SMYD2: variants seen among roughly 807,000 people sequenced by gnomAD.
SMYD2 encodes the protein SET and MYND domain containing 2, also known as N-lysine methyltransferase SMYD2.
In SMYD2, 53 loss-of-function variants were observed where a neutral mutation model predicts 59.1. The ratio of observed to expected loss-of-function variants is 0.90; its 90% CI spans 0.72 to 1.13. The LOEUF (loss-of-function observed/expected upper bound fraction) is 1.13. SMYD2 is among the 50% of genes most tolerant of loss of function. SMYD2 has a pLI of 0.00. For missense variants in SMYD2, 494 were observed against 544.7 expected (o/e 0.91, Z 0.93); for synonymous variants, 208 against 198.8 (o/e 1.05, Z -0.39).
rs1558054981 is a variant in SMYD2, at chr1:214,318,091, G to C, written c.361G>C (p.Glu121Gln). Residue 121 changes from glutamate to glutamine, a missense_variant, in exon 4 of 12, where the codon GAG becomes CAG. Physicochemically the swap from Glu to Gln is conservative, Grantham distance 29 (BLOSUM62 2). Coordinates refer to ENST00000366957, the MANE Select transcript of SMYD2 (RefSeq NM_020197.3). This position sits in a 1 kb window ranked among gnomAD's most constrained non-coding sequence, Gnocchi z 5.4. ...CCCCAATTGCTAGAAAATCCACCCA[G>C]AGAGAACACCTTCGGAAAAATTGTT... The part of the protein sequence containing the change: ...RILAKQKIHP[E>Q]RTPSEKLLAV... 5 of 1,613,974 alleles carry C rather than the reference G, an allele frequency of 3.1e-6. No homozygotes were observed. The highest frequency in any genetic ancestry group is 2.5e-6 in the Non-Finnish European group (3 of 1,179,992).
intron 1 of SMYD2, among the ~76,000 whole-genome samples, chr1:214,292,805 A>G (rs1479482450): frequency 6.6e-6 from 1 of 152,000 alleles, no homozygotes; most frequent in Admixed American, 6.6e-5. Flanking sequence ...TCCAAGTTCA[A>G]TTTGGGTGGT....
In SMYD2 at chr1:214,281,283, A is replaced by T. The variant is rs1656436707; in HGVS notation, c.29A>T (p.Glu10Val). 2.1e-5 allele frequency: 28 copies of T among 1,320,678 alleles called. No individual in the cohort carries two copies. The highest frequency in any genetic ancestry group is 2.6e-5 in the Non-Finnish European group (27 of 1,027,506). 81.8% of individuals were successfully genotyped at this position (1,320,678 alleles called of 1,614,324 possible). A position where few individuals can be genotyped will look rare whatever the true frequency, so the allele number is the denominator to read the frequency against. The change falls in exon 1 of 12, where the codon GAG becomes GTG. Residue 10 changes from glutamate to valine, a missense_variant. Coordinates refer to ENST00000366957, the MANE Select transcript of SMYD2 (RefSeq NM_020197.3). MRAEGLGGL[E>V]RFCSPGKGRG... Reference sequence around the variant, plus strand: ...AGGGCCGAGGGCCTCGGCGGCCTGGAGCGCTTCTGCAGCCCGGGCAAAGGC... The same window carrying T: ...AGGGCCGAGGGCCTCGGCGGCCTGGTGCGCTTCTGCAGCCCGGGCAAAGGC...
At chr1:214,305,696 C>T (rs182680342) in intron 2 of SMYD2, among the ~76,000 whole-genome samples, 1 of 145,392 alleles carries the variant, frequency 6.9e-6, no homozygotes, top group Admixed American at 6.9e-5. Flanking sequence ...TCCCCTAGTC[C>T]AGCCTCTGTA....
Position 214,332,112 on chromosome 1 carries a change from C to T in SMYD2, c.1032C>T (p.Tyr344=). Residue 344 remains tyrosine (Y), a synonymous_variant, in exon 10 of 12, where the codon TAC becomes TAT. Transcript: ENST00000366957. ...DSNVYMLHMM[Y]QAMGVCLYMQ... is the part of the protein sequence containing the mutation. ...ACGTGTACATGTTGCACATGATGTA[C>T]CAGGCCATGGGTGTCTGCTTGTACA... 6.2e-7 allele frequency: 1 copy of T among 1,614,146 alleles called. No individual in the cohort carries two copies. Among genetic ancestry groups the T allele is most frequent in the Non-Finnish European group, 8.5e-7 (1 of 1,180,030 alleles).
At chr1:214,305,551 A>G (rs893760274) in intron 2 of SMYD2, among the ~76,000 whole-genome samples, 4 of 152,362 alleles carry the variant, frequency 2.6e-5, no homozygotes, top group South Asian at 2.1e-4. Flanking sequence ...AGAGTTGACA[A>G]ATAAACAATA....
intron 9 of SMYD2, 64 bp from the exon 10 acceptor site, chr1:214,331,954 A>C (rs1657361741): frequency 2.0e-6 from 3 of 1,523,866 alleles, no homozygotes; most frequent in Non-Finnish European, 2.7e-6. Context: ...AACTCCTTGA[A>C]CCCAGCCTGG....
At chr1:214,286,421 C>T (rs78741216) in intron 1 of SMYD2, among the ~76,000 whole-genome samples, 3,943 of 152,032 alleles carry the variant, frequency 0.026, 379 homozygotes, top group East Asian at 0.26. Flanking sequence ...CTGCAGGAAG[C>T]CATATCACTT....
chr1:214,312,041 TC>T lies in SMYD2; in HGVS notation c.238-2718del, dbSNP rs1450656233. On this transcript the variant is annotated intron_variant, in intron 2 of 11. Transcript: ENST00000366957. The surrounding 1 kb of genome is among the most constrained non-coding windows in gnomAD (Gnocchi z 4.1). ...TCTGCAGGGAGACAGACCCACCTGTTCCCACCTCTTCGCCTCATCACCATGC... is the reference window on the plus strand; with the variant it reads ...TCTGCAGGGAGACAGACCCACCTGTTCCACCTCTTCGCCTCATCACCATGC... Among the ~76,000 whole-genome samples the T allele has an allele frequency of 2.6e-5, 4 of 152,234 alleles. No individual in the cohort carries two copies. The highest frequency in any genetic ancestry group is 4.4e-5 in the Non-Finnish European group (3 of 68,038).
intron 1 of SMYD2, among the ~76,000 whole-genome samples, chr1:214,299,854 C>T (rs1656793774): frequency 6.6e-6 from 1 of 152,196 alleles, no homozygotes. Flanking sequence ...GATCTCCCCT[C>T]CTCGGCCTCC....
intron 3 of SMYD2, among the ~76,000 whole-genome samples, chr1:214,315,539 C>G (rs936186322): frequency 6.6e-6 from 1 of 152,152 alleles, no homozygotes; most frequent in African/African-American, 2.4e-5. Context: ...GTGGGCAGGA[C>G]TATGCAAACT....
intron 1 of SMYD2, among the ~76,000 whole-genome samples, chr1:214,299,404 A>T (rs2088512): frequency 0.57 from 85,643 of 150,990 alleles, 24,714 homozygotes; most frequent in African/African-American, 0.6. Flanking sequence ...CACTGTTCAC[A>T]CTAGCAAAGA....
chr1:214,330,803 C>A, intron 8 of SMYD2, 147 bp from the exon 9 acceptor site: 2 of 1,181,736 alleles, frequency 1.7e-6, no homozygotes, highest in Non-Finnish European at 2.4e-6. Flanking sequence ...TCTTCAGATG[C>A]ATTGCCTGAT....
chr1:214,281,358 C>T lies in SMYD2; in HGVS notation c.104C>T (p.Ser35Phe). The T allele has an allele frequency of 6.9e-7, 1 of 1,455,164 alleles. No homozygotes were observed. The highest frequency in any genetic ancestry group is 1.5e-5 in the South Asian group (1 of 67,180). 90.1% of individuals were successfully genotyped at this position (1,455,164 alleles called of 1,614,324 possible). Reference protein sequence around the residue: ...QPFQVGDLLFSCPAYAYVLTV... With the variant: ...QPFQVGDLLFFCPAYAYVLTV... ...TTCCAGGTGGGGGACTTGCTGTTCTCCTGCCCGGCCTATGCCTACGTGCTC... is the reference window on the plus strand; with the variant it reads ...TTCCAGGTGGGGGACTTGCTGTTCTTCTGCCCGGCCTATGCCTACGTGCTC... Residue 35 changes from serine to phenylalanine, a missense_variant, in exon 1 of 12, where the codon TCC (serine) becomes TTC (phenylalanine). Physicochemically the swap from Ser to Phe is radical, Grantham distance 155. Coordinates refer to ENST00000366957, the MANE Select transcript of SMYD2 (RefSeq NM_020197.3).
chr1:214,330,564 A>C (rs922798566), intron 8 of SMYD2, among the ~76,000 whole-genome samples: 8 of 152,218 alleles, frequency 5.3e-5, no homozygotes, highest in African/African-American at 1.9e-4. Flanking sequence ...GGGGAAAAGC[A>C]CATGAGTATA....
Position 214,281,436 on chromosome 1 carries a change from G to A in SMYD2, c.173+9G>A, listed in dbSNP as rs1367515584. ...GAGTACTGCTTCACCAGGTAGGGCG[G>A]CGGCGGCGGCGGCGGCGGGCGGGAG... On this transcript the variant is annotated intron_variant, in intron 1 of 11. Transcript: ENST00000366957. 2.2e-6 allele frequency: 3 copies of A among 1,388,992 alleles called. No individual in the cohort carries two copies. Among genetic ancestry groups the A allele is most frequent in the Non-Finnish European group, 1.9e-6 (2 of 1,066,314 alleles). 86.0% of individuals were successfully genotyped at this position (1,388,992 alleles called of 1,614,324 possible).
chr1:214,329,078 T>C (rs1657308935), intron 7 of SMYD2, among the ~76,000 whole-genome samples: 1 of 152,240 alleles, frequency 6.6e-6, no homozygotes, highest in African/African-American at 2.4e-5. Flanking sequence ...CAGGCTCTTG[T>C]GGTGTGAGGC....
intron 6 of SMYD2, among the ~76,000 whole-genome samples, chr1:214,325,686 A>G (rs570252193): frequency 6.6e-6 from 1 of 151,878 alleles, no homozygotes; most frequent in Admixed American, 6.6e-5. Flanking sequence ...TGAACCAGAG[A>G]GACTAAAAAG....
chr1:214,324,948 G>A (rs751391090), intron 6 of SMYD2, among the ~76,000 whole-genome samples: 12 of 152,210 alleles, frequency 7.9e-5, no homozygotes, highest in Non-Finnish European at 1.5e-4. Flanking sequence ...TGTTATTAAA[G>A]AATATTTTAT....
At chr1:214,303,975 A>G (rs1656872350) in intron 1 of SMYD2, among the ~76,000 whole-genome samples, 1 of 152,232 alleles carries the variant, frequency 6.6e-6, no homozygotes, top group Admixed American at 6.5e-5. Context: ...GACTTAGACA[A>G]TGTAATTGTT....
Sources: allele counts gnomAD v4.1 joint callset (sites outside exome capture counted in the v4.1 genomes callset), GRCh38; gene constraint gnomAD v4.1.1; non-coding constraint Gnocchi (gnomAD v3.1); transcripts MANE v1.5; gene names NCBI Gene and HGNC (gene_info 2026-07-23, HGNC 2026-07-21).